The following IQCK variants were observed in gnomAD, a reference collection of about 807,000 sequenced individuals.
IQCK encodes the protein IQ motif containing K.
In IQCK, 29 loss-of-function variants were observed where a neutral mutation model predicts 28.1. The observed-to-expected ratio is 1.03, with a 90% CI of 0.77 to 1.41. The LOEUF is 1.41. Ranked by LOEUF, IQCK falls within the 40% of genes most tolerant of loss-of-function variation. The pLI, the probability that IQCK is intolerant of heterozygous loss-of-function variation, is 0.00. For missense variants in IQCK, 359 were observed against 314.7 expected, an observed-to-expected ratio of 1.14 and a Z score of -1.07; for synonymous variants, 113 against 115.1, an observed-to-expected ratio of 0.98 and a Z score of 0.12.
intron 4 of IQCK, among the ~76,000 whole-genome samples, chr16:19,736,827 G>A (rs1346853043): frequency 6.6e-6 from 1 of 151,888 alleles, no homozygotes; most frequent in African/African-American, 2.4e-5. Context: ...GCAGAGTTAG[G>A]ACTCAAATCC....
chr16:19,829,362 A>C (rs2056200015), downstream of IQCK, among the ~76,000 whole-genome samples: 1 of 149,502 alleles, frequency 6.7e-6, no homozygotes. Flanking sequence ...TCTGAGACAG[A>C]GTCTCGCTCT....
chr16:19,740,325 T>C (rs1425324462), intron 4 of IQCK, among the ~76,000 whole-genome samples: 1 of 152,188 alleles, frequency 6.6e-6, no homozygotes, highest in African/African-American at 2.4e-5. Context: ...TCAGAAATTG[T>C]ATCAAATTGT....
rs1051267574 is a variant in IQCK, at chr16:19,775,317, C to T, written c.605+11205C>T. Among the ~76,000 whole-genome samples, 7 of 151,772 alleles carry T rather than the reference C, an allele frequency of 4.6e-5. No homozygotes were observed. In the East Asian group the frequency reaches 1.4e-3, roughly 29 times the overall value. The stretch of plus-strand genomic sequence containing the variant: ...GTAACGCATAAAATAGGACACATGA[C>T]TCAGCTCTTTCCTCAGTTGTTTTCA... On this transcript the variant is annotated intron_variant, in intron 6 of 7. Transcript: ENST00000564186.
chr16:19,837,056 A>G (rs1172409373), intron 9 of IQCK, among the ~76,000 whole-genome samples: 1 of 152,188 alleles, frequency 6.6e-6, no homozygotes, highest in Non-Finnish European at 1.5e-5. Flanking sequence ...AATAAATGAT[A>G]ATTATTATTA....
intron 4 of IQCK, among the ~76,000 whole-genome samples, chr16:19,739,325 TG>T (rs1212640740): frequency 6.6e-6 from 1 of 152,226 alleles, no homozygotes; most frequent in Non-Finnish European, 1.5e-5. Flanking sequence ...GTTGTCATAT[TG>T]AACCTGGGAA....
chr16:19,785,081 T>G (rs1194187532), intron 6 of IQCK, among the ~76,000 whole-genome samples: 1 of 152,132 alleles, frequency 6.6e-6, no homozygotes, highest in Non-Finnish European at 1.5e-5. Flanking sequence ...TCAATAACAT[T>G]TGAATGGAGA....
chr16:19,784,122 G>A (rs1245768666), intron 6 of IQCK, among the ~76,000 whole-genome samples: 2 of 152,152 alleles, frequency 1.3e-5, no homozygotes, highest in Non-Finnish European at 2.9e-5. Flanking sequence ...GATTCCCTGC[G>A]GAGGTTCAGA....
intron 9 of IQCK, among the ~76,000 whole-genome samples, chr16:19,844,957 C>T (rs1289110378): frequency 1.3e-5 from 2 of 152,136 alleles, no homozygotes; most frequent in Non-Finnish European, 1.5e-5. Flanking sequence ...TACAGGCACA[C>T]GTCACCATGC....
At chr16:19,816,747 T>A (rs1567568549) in intron 7 of IQCK, among the ~76,000 whole-genome samples, 1 of 152,340 alleles carries the variant, frequency 6.6e-6, no homozygotes, top group East Asian at 1.9e-4. Flanking sequence ...ATTGTAAGAT[T>A]CAACCTCAGA....
intron 1 of IQCK, among the ~76,000 whole-genome samples, chr16:19,727,565 C>T (rs549390144): frequency 2.1e-5 from 3 of 145,586 alleles, no homozygotes; most frequent in Non-Finnish European, 4.5e-5. Context: ...CCAGCCTGGG[C>T]GACAGAGCGA....
chr16:19,747,411 A>G (rs8051888), intron 4 of IQCK, among the ~76,000 whole-genome samples: 8,323 of 152,144 alleles, frequency 0.055, 710 homozygotes, highest in African/African-American at 0.18. Context: ...TGGAACTGAC[A>G]TAGTGTCACT....
chr16:19,814,998 G>A (rs2055966530), intron 7 of IQCK, among the ~76,000 whole-genome samples: 1 of 152,024 alleles, frequency 6.6e-6, no homozygotes, highest in African/African-American at 2.4e-5. Flanking sequence ...AAATGCCTAG[G>A]CTGGTCTCGA....
intron 7 of IQCK, among the ~76,000 whole-genome samples, chr16:19,824,343 G>A (rs1361439941): frequency 6.6e-6 from 1 of 152,180 alleles, no homozygotes; most frequent in East Asian, 1.9e-4. Context: ...ATCTAATGCT[G>A]CCACTGATCT....
At chr16:19,750,516 C>T (rs1015564578) in intron 4 of IQCK, among the ~76,000 whole-genome samples, 2 of 151,950 alleles carry the variant, frequency 1.3e-5, no homozygotes, top group Admixed American at 1.3e-4. Context: ...GGCTGGAGTG[C>T]AGTGGCATGA....
intron 9 of IQCK, among the ~76,000 whole-genome samples, chr16:19,856,145 T>A (rs191746386): frequency 9.0e-4 from 137 of 152,324 alleles, no homozygotes; most frequent in African/African-American, 3.2e-3. Context: ...TGGTGACAGA[T>A]GGGGTTGAGC....
intron 1 of IQCK, among the ~76,000 whole-genome samples, chr16:19,722,285 G>C (rs543727612): frequency 6.6e-6 from 1 of 152,070 alleles, no homozygotes; most frequent in African/African-American, 2.4e-5. Flanking sequence ...ATCTGTACAC[G>C]TGGAAGAAGC....
chr16:19,849,152 A>G (rs1364223278), intron 9 of IQCK, among the ~76,000 whole-genome samples: 1 of 151,808 alleles, frequency 6.6e-6, no homozygotes, highest in Non-Finnish European at 1.5e-5. Context: ...TTTTCTGGTG[A>G]TTCTTTTAGA....
intron 6 of IQCK, among the ~76,000 whole-genome samples, chr16:19,767,669 G>A (rs930664561): frequency 5.3e-5 from 8 of 152,036 alleles, no homozygotes; most frequent in South Asian, 2.1e-4. Flanking sequence ...TGCCCAGGAC[G>A]GGGGGTGTGG....
At chr16:19,745,583 T>G (rs1283560437) in intron 4 of IQCK, among the ~76,000 whole-genome samples, 5 of 152,220 alleles carry the variant, frequency 3.3e-5, no homozygotes, top group Non-Finnish European at 5.9e-5. Flanking sequence ...ATAGTGTGCT[T>G]CTTGCTATCC....
Sources: gnomAD v4.1 joint callset for allele counts (sites outside exome capture counted in the v4.1 genomes callset) on GRCh38, gnomAD v4.1.1 for gene constraint, MANE v1.5 for transcripts, NCBI Gene and HGNC (gene_info 2026-07-23, HGNC 2026-07-21) for gene names.